The following TRPC4 variants were observed in gnomAD, a reference collection of about 807,000 sequenced individuals.
TRPC4 encodes the protein transient receptor potential cation channel subfamily C member 4, also known as short transient receptor potential channel 4.
Under a neutral mutation model 99.4 loss-of-function variants are expected in TRPC4, and 49 were observed. The ratio of observed to expected loss-of-function variants is 0.49; its 90% CI spans 0.39 to 0.63. The LOEUF (loss-of-function observed/expected upper bound fraction) is 0.63, where lower values mean the gene tolerates loss of function less well. TRPC4 is among the 20% of genes least tolerant of loss of function. The pLI, the probability that TRPC4 is intolerant of heterozygous loss-of-function variation, is 0.00. For missense variants in TRPC4, 898 were observed against 1,152.9 expected (o/e 0.78, Z 3.20); for synonymous variants, 454 against 425.9 (o/e 1.07, Z -0.81).
At chr13:37,813,323 T>C (rs1957756085) in intron 1 of TRPC4, among the ~76,000 whole-genome samples, 1 of 151,728 alleles carries the variant, frequency 6.6e-6, no homozygotes, top group Non-Finnish European at 1.5e-5. Context: ...TATCATAAAC[T>C]TCTATCTTAA....
intron 3 of TRPC4, among the ~76,000 whole-genome samples, chr13:37,725,228 A>G (rs1173038750): frequency 6.6e-6 from 1 of 152,096 alleles, no homozygotes; most frequent in Non-Finnish European, 1.5e-5. Flanking sequence ...AGATGAACAG[A>G]GTCTAAAGAA....
At chr13:37,775,755 C>A (rs779933298) in intron 2 of TRPC4, among the ~76,000 whole-genome samples, 1 of 151,446 alleles carries the variant, frequency 6.6e-6, no homozygotes, top group Non-Finnish European at 1.5e-5. Context: ...TCCCTAAACA[C>A]TTAGAGGTTT....
intron 5 of TRPC4, among the ~76,000 whole-genome samples, chr13:37,665,840 CAAAAA>C (rs1168472231): frequency 7.0e-5 from 5 of 71,028 alleles, no homozygotes; most frequent in Admixed American, 3.4e-4. Flanking sequence ...TCAGCTGAGA[CAAAAA>C]AAAAAAAAAA....
At position 37,655,080 on chromosome 13, in the gene TRPC4, C is replaced by A; in HGVS notation, c.1884+8G>T. 2 of 1,474,056 alleles carry A rather than the reference C, an allele frequency of 1.4e-6. No homozygotes were observed. The highest frequency in any genetic ancestry group is 1.5e-5 in the South Asian group (1 of 67,842). The allele number at this position is 1,474,056 out of a possible 1,614,324, so 91.3% of individuals were successfully genotyped here. ...AACATTGAATTAAAATAAAGCTGGT[C>A]AACTTACAGCAATCAGTTGGTAAGA... On this transcript the variant is annotated splice_region_variant and intron_variant, in intron 7 of 10. Transcript: ENST00000379705.
chr13:37,819,458 A>T (rs1286413344), intron 1 of TRPC4, among the ~76,000 whole-genome samples: 1 of 152,036 alleles, frequency 6.6e-6, no homozygotes, highest in Non-Finnish European at 1.5e-5. Flanking sequence ...CCAAATAAAG[A>T]AAATGTGATA....
At chr13:37,832,334 G>A (rs1303952644) in intron 1 of TRPC4, among the ~76,000 whole-genome samples, 2 of 152,110 alleles carry the variant, frequency 1.3e-5, no homozygotes, top group Admixed American at 6.6e-5. Context: ...TTGAGGTCAG[G>A]AGTTTAAGAC....
chr13:37,845,683 C>A (rs1267662798), intron 1 of TRPC4, among the ~76,000 whole-genome samples: 1 of 151,154 alleles, frequency 6.6e-6, no homozygotes, highest in East Asian at 1.9e-4. Context: ...CACCATAAAG[C>A]AAACTAACTT....
At chr13:37,795,973 G>A (rs1017389915) in intron 1 of TRPC4, among the ~76,000 whole-genome samples, 3 of 152,078 alleles carry the variant, frequency 2.0e-5, no homozygotes, top group African/African-American at 7.2e-5. Flanking sequence ...CAAAATATTA[G>A]CAATGAAAAT....
intron 10 of TRPC4, 56 bp downstream of exon 10, chr13:37,638,984 A>G: frequency 6.4e-7 from 1 of 1,558,788 alleles, no homozygotes; most frequent in Non-Finnish European, 8.8e-7. Context: ...AATGTGCTCT[A>G]TCTGGATCCA....
chr13:37,831,648 T>C (rs879576572), intron 1 of TRPC4, among the ~76,000 whole-genome samples: 2 of 152,168 alleles, frequency 1.3e-5, no homozygotes, highest in African/African-American at 2.4e-5. Context: ...TATAAATGGA[T>C]GAATGGATAA....
chr13:37,722,379 A>G (rs888576714), intron 3 of TRPC4, among the ~76,000 whole-genome samples: 21 of 152,182 alleles, frequency 1.4e-4, no homozygotes, highest in Non-Finnish European at 2.5e-4. Context: ...TGGCAGGGCA[A>G]AAAAGGCTTG....
chr13:37,737,243 A>AATG (rs1260887482), intron 3 of TRPC4, among the ~76,000 whole-genome samples: 6 of 151,170 alleles, frequency 4.0e-5, no homozygotes, highest in African/African-American at 1.5e-4. Flanking sequence ...TAATAATAAT[A>AATG]ATAATAATAG....
intron 1 of TRPC4, among the ~76,000 whole-genome samples, chr13:37,815,485 A>G (rs1957824008): frequency 6.6e-6 from 1 of 151,844 alleles, no homozygotes; most frequent in Admixed American, 6.6e-5. Flanking sequence ...TTCAGACAAA[A>G]CAGACTTTAA....
rs1952016236 is a variant in TRPC4, at chr13:37,650,630, CACACAT to C, written c.2079+629_2079+634del. The stretch of plus-strand genomic sequence containing the variant: ...CTCTCTATACACACACACACACACA[CACACAT>C]ATATATATATTTAGATGCCTAAATT... On this transcript the variant is annotated intron_variant, in intron 8 of 10. Transcript: ENST00000379705. Among the ~76,000 whole-genome samples, 7 of 151,290 alleles carry C rather than the reference CACACAT, an allele frequency of 4.6e-5. No individual in the cohort carries two copies. In the South Asian group the frequency reaches 1.5e-3, roughly 32 times the overall value.
chr13:37,794,167 C>T (rs1957193080), intron 1 of TRPC4, among the ~76,000 whole-genome samples: 1 of 150,910 alleles, frequency 6.6e-6, no homozygotes, highest in African/African-American at 2.4e-5. Context: ...GAGGTAACTA[C>T]AGTTATAATT....
chr13:37,709,654 A>G (rs543313815), intron 3 of TRPC4, among the ~76,000 whole-genome samples: 1 of 152,058 alleles, frequency 6.6e-6, no homozygotes, highest in East Asian at 1.9e-4. Flanking sequence ...TCTCATTCTG[A>G]AAAAGCCTTC....
In TRPC4 at chr13:37,800,042, A is replaced by G. The variant is rs367641729; in HGVS notation, c.-27-16682T>C. ...TGGCTAATATATAGGTATTCAATCA[A>G]TGGTGATACTTTGATTACCTCTCAG... On this transcript the variant is annotated intron_variant, in intron 1 of 10. Coordinates refer to ENST00000379705, the MANE Select transcript of TRPC4 (RefSeq NM_016179.4). 9.8e-5 allele frequency among the ~76,000 whole-genome samples: 15 copies of G among 152,340 alleles called. No homozygotes were observed. The East Asian group carries it at 2.3e-3, about 24-fold the overall frequency.
Position 37,637,083 on chromosome 13 carries a change from T to C in TRPC4, c.2754A>G (p.Thr918=), listed in dbSNP as rs1951551410. ...LVDHRERNTD[T]LGLQVGKRVC... is the part of the protein sequence containing the mutation. ...CTCTCTTTCCTACCTGTAACCCCAG[T>C]GTGTCCGTATTCCTTTCTCTATGGT... The change falls in exon 11 of 11, where the codon ACA becomes ACG. Residue 918 remains threonine, a synonymous_variant. Transcript: ENST00000379705. 6.2e-7 allele frequency: 1 copy of C among 1,613,794 alleles called. No homozygotes were observed. The highest frequency in any genetic ancestry group is 8.5e-7 in the Non-Finnish European group (1 of 1,179,788).
intron 4 of TRPC4, among the ~76,000 whole-genome samples, chr13:37,688,048 T>C (rs1483637148): frequency 6.6e-6 from 1 of 152,238 alleles, no homozygotes; most frequent in Non-Finnish European, 1.5e-5. Context: ...TAAAGCTTTT[T>C]GGCTTTCTTT....
Sources: gnomAD v4.1 joint callset for allele counts (sites outside exome capture counted in the v4.1 genomes callset) on GRCh38, gnomAD v4.1.1 for gene constraint, MANE v1.5 for transcripts, NCBI Gene and HGNC (gene_info 2026-07-23, HGNC 2026-07-21) for gene names.